The following CNTN5 variants were observed in gnomAD, a reference collection of about 807,000 sequenced individuals.
CNTN5 encodes contactin-5.
CNTN5 carries 77 observed loss-of-function variants against 129.1 expected under a neutral mutation model. The observed-to-expected ratio is 0.60, with a 90% CI of 0.50 to 0.72. The LOEUF (loss-of-function observed/expected upper bound fraction) is 0.72, where lower values mean the gene tolerates loss of function less well. Among genes scored for constraint, CNTN5 ranks in the 30% least tolerant of loss-of-function variants. The pLI is 0.00. For missense variants in CNTN5, 1,478 were observed against 1,328.8 expected, an observed-to-expected ratio of 1.11 and a Z score of -1.75; for synonymous variants, 509 against 465.6, an observed-to-expected ratio of 1.09 and a Z score of -1.20.
chr11:99,285,673 C>T (rs899240031), intron 1 of CNTN5, among the ~76,000 whole-genome samples: 2 of 151,418 alleles, frequency 1.3e-5, no homozygotes, highest in African/African-American at 4.9e-5. Context: ...CAGTAGTCAG[C>T]AAGGATGATA....
At chr11:99,281,349 C>A (rs1863685870) in intron 1 of CNTN5, among the ~76,000 whole-genome samples, 1 of 151,962 alleles carries the variant, frequency 6.6e-6, no homozygotes, top group Admixed American at 6.6e-5. Flanking sequence ...ACTGCCAGAT[C>A]TAGAGTGAGG....
At chr11:99,849,727 GCT>G (rs2135718676) in intron 6 of CNTN5, among the ~76,000 whole-genome samples, 1 of 152,236 alleles carries the variant, frequency 6.6e-6, no homozygotes, top group African/African-American at 2.4e-5. Flanking sequence ...TGCAGACGAT[GCT>G]CTGTTTCAAA....
intron 1 of CNTN5, among the ~76,000 whole-genome samples, chr11:99,025,957 T>C (rs904494935): frequency 2.0e-5 from 3 of 151,724 alleles, no homozygotes; most frequent in Non-Finnish European, 4.4e-5. Context: ...CCATTTCAGT[T>C]ACATGCAAGA....
intron 3 of CNTN5, among the ~76,000 whole-genome samples, chr11:99,591,284 C>T (rs1372648536): frequency 6.6e-6 from 1 of 151,958 alleles, no homozygotes; most frequent in Non-Finnish European, 1.5e-5. Flanking sequence ...CTTCTCCTCT[C>T]CACCAGACAT....
At chr11:99,371,318 A>G (rs2136132708) in intron 2 of CNTN5, among the ~76,000 whole-genome samples, 1 of 152,092 alleles carries the variant, frequency 6.6e-6, no homozygotes, top group African/African-American at 2.4e-5. Flanking sequence ...ATATACATAT[A>G]CTATATATAT....
chr11:99,461,125 A>G (rs1205629127), intron 2 of CNTN5, among the ~76,000 whole-genome samples: 2 of 152,092 alleles, frequency 1.3e-5, no homozygotes, highest in Non-Finnish European at 2.9e-5. Context: ...AAGTGGACAT[A>G]TTGTTGGCTT....
chr11:99,799,166 C>G (rs1946038118), intron 3 of CNTN5, among the ~76,000 whole-genome samples: 1 of 151,866 alleles, frequency 6.6e-6, no homozygotes, highest in Non-Finnish European at 1.5e-5. Flanking sequence ...CTTGGGGTTT[C>G]TATGTATAGA....
intron 1 of CNTN5, among the ~76,000 whole-genome samples, chr11:99,224,536 A>T (rs1433870878): frequency 1.3e-5 from 2 of 151,994 alleles, no homozygotes; most frequent in Non-Finnish European, 2.9e-5. Context: ...GAATGCATTG[A>T]GGTGTAGCAC....
intron 1 of CNTN5, among the ~76,000 whole-genome samples, chr11:99,091,021 CAAAAAAA>C (rs68113369): frequency 7.0e-5 from 4 of 56,754 alleles, no homozygotes; most frequent in Admixed American, 4.8e-4. Flanking sequence ...GACTCCGTCT[CAAAAAAA>C]AAAAAAAAAA....
chr11:99,376,760 A>G (rs562093689), intron 2 of CNTN5, among the ~76,000 whole-genome samples: 2 of 152,302 alleles, frequency 1.3e-5, no homozygotes, highest in South Asian at 4.1e-4. Flanking sequence ...CCCTTATTCG[A>G]TGAATGTTAT....
intron 10 of CNTN5, among the ~76,000 whole-genome samples, chr11:100,066,122 C>A (rs1460134648): frequency 6.6e-6 from 1 of 151,998 alleles, no homozygotes; most frequent in Non-Finnish European, 1.5e-5. Context: ...GGGAAAGTAA[C>A]CAATATATAT....
chr11:99,540,475 C>T (rs1479860884), intron 2 of CNTN5, among the ~76,000 whole-genome samples: 2 of 152,132 alleles, frequency 1.3e-5, no homozygotes, highest in Admixed American at 6.6e-5. Context: ...TCAGGAGACA[C>T]ACTCATAATT....
At chr11:99,757,757 A>C (rs1944450045) in intron 3 of CNTN5, among the ~76,000 whole-genome samples, 1 of 152,102 alleles carries the variant, frequency 6.6e-6, no homozygotes, top group Non-Finnish European at 1.5e-5. Flanking sequence ...CGACTCTGCT[A>C]CTTAGTAGCT....
intron 3 of CNTN5, among the ~76,000 whole-genome samples, chr11:99,745,478 T>C (rs1457174996): frequency 6.6e-6 from 1 of 152,028 alleles, no homozygotes; most frequent in East Asian, 1.9e-4. Context: ...ACTACCATGC[T>C]CAGCTAATGA....
Position 99,956,904 on chromosome 11 carries a change from A to G in CNTN5, c.772A>G (p.Lys258Glu), listed in dbSNP as rs371756154. Residue 258 changes from lysine to glutamate, a missense_variant, in exon 8 of 25, where the codon AAA becomes GAA. Physicochemically the swap from Lys to Glu is moderately conservative, Grantham distance 56. Coordinates refer to ENST00000524871, the MANE Select transcript of CNTN5 (RefSeq NM_014361.4). The part of the protein sequence containing the change: ...SQETGNLYIS[K>E]VQTSDVGSYI... ...GGAGACAGGCAACCTTTATATTTCT[A>G]AAGTCCAAACATCAGATGTTGGCAG... 13 of 1,613,856 alleles carry G rather than the reference A, an allele frequency of 8.1e-6. No homozygotes were observed. The highest frequency in any genetic ancestry group is 2.2e-5 in the East Asian group (1 of 44,886).
intron 2 of CNTN5, among the ~76,000 whole-genome samples, chr11:99,416,477 G>C (rs1169164003): frequency 6.6e-6 from 1 of 151,860 alleles, no homozygotes; most frequent in Non-Finnish European, 1.5e-5. Flanking sequence ...TGGTGAGATG[G>C]GTTCTCAGTA....
chr11:100,111,695 C>G (rs1945662679), intron 13 of CNTN5, among the ~76,000 whole-genome samples: 1 of 152,118 alleles, frequency 6.6e-6, no homozygotes, highest in African/African-American at 2.4e-5. Context: ...AGTGTACAAT[C>G]CATTATTGTT....
At chr11:99,521,747 A>G (rs1438600249) in intron 2 of CNTN5, among the ~76,000 whole-genome samples, 1 of 152,192 alleles carries the variant, frequency 6.6e-6, no homozygotes, top group African/African-American at 2.4e-5. Context: ...TCTAACTTGG[A>G]CAAGAAAAGC....
intron 21 of CNTN5, among the ~76,000 whole-genome samples, chr11:100,335,114 G>A (rs2138998719): frequency 6.6e-6 from 1 of 152,086 alleles, no homozygotes; most frequent in East Asian, 2.0e-4. Context: ...GGAGATTCAG[G>A]AGATCTCTGT....
Sources: gnomAD v4.1 joint callset for allele counts (sites outside exome capture counted in the v4.1 genomes callset) on GRCh38, gnomAD v4.1.1 for gene constraint, MANE v1.5 for transcripts, NCBI Gene and HGNC (gene_info 2026-07-23, HGNC 2026-07-21) for gene names.